Variants in PDE3A observed in about 807,000 individuals in gnomAD.
PDE3A encodes phosphodiesterase 3A.
A neutral mutation model predicts 98.3 loss-of-function variants in PDE3A; 43 were observed. The observed-to-expected ratio is 0.44, with a 90% CI of 0.34 to 0.56. The LOEUF (loss-of-function observed/expected upper bound fraction) is 0.56, where lower values mean the gene tolerates loss of function less well. PDE3A is among the 20% of genes least tolerant of loss of function. PDE3A has a pLI of 0.01. For synonymous variants in PDE3A, 663 were observed against 567.9 expected, an observed-to-expected ratio of 1.17 and a Z score of -2.38; for missense variants, 1,427 against 1,440.7, an observed-to-expected ratio of 0.99 and a Z score of 0.15.
chr12:20,396,742 A>G (rs868687488), intron 1 of PDE3A, among the ~76,000 whole-genome samples: 44 of 152,110 alleles, frequency 2.9e-4, no homozygotes, highest in African/African-American at 1.0e-3. Flanking sequence ...AAGCTGGACC[A>G]TTATCTAATG....
rs1236570199 is a variant in PDE3A at position 20,391,133 on chromosome 12, T to C, written c.960+20889T>C. ...AGCAGATGAGTGCTTTTCATATGAC[T>C]AGTTAAAAACTTACTTTATCAGTAG... On this transcript the variant is annotated intron_variant, in intron 1 of 15. Coordinates refer to ENST00000359062, the MANE Select transcript of PDE3A (RefSeq NM_000921.5). Among the ~76,000 whole-genome samples, 3 of 151,816 alleles carry C rather than the reference T, an allele frequency of 2.0e-5. No homozygotes were observed. In the East Asian group the frequency reaches 5.8e-4, roughly 29 times the overall value.
chr12:20,523,380 A>C (rs1302296171), intron 1 of PDE3A, among the ~76,000 whole-genome samples: 2 of 152,202 alleles, frequency 1.3e-5, no homozygotes. Flanking sequence ...AGCATACACA[A>C]TTCTGCTTAG....
At chr12:20,635,862 T>A (rs1944501072) in intron 8 of PDE3A, among the ~76,000 whole-genome samples, 1 of 152,166 alleles carries the variant, frequency 6.6e-6, no homozygotes, top group South Asian at 2.1e-4. Flanking sequence ...CAATATATTT[T>A]TTCTCTTTCC....
intron 2 of PDE3A, among the ~76,000 whole-genome samples, chr12:20,558,757 C>A (rs889064426): frequency 4.0e-5 from 6 of 151,798 alleles, no homozygotes; most frequent in African/African-American, 1.2e-4. Context: ...TTGATCCCTT[C>A]TTTTATTGCT....
At chr12:20,527,212 G>C (rs1946541228) in intron 1 of PDE3A, among the ~76,000 whole-genome samples, 1 of 151,826 alleles carries the variant, frequency 6.6e-6, no homozygotes, top group African/African-American at 2.4e-5. Context: ...GTGTTTTTTT[G>C]TTTTGTTTTT....
At chr12:20,378,087 A>C (rs1437854061) in intron 1 of PDE3A, among the ~76,000 whole-genome samples, 1 of 151,748 alleles carries the variant, frequency 6.6e-6, no homozygotes, top group Non-Finnish European at 1.5e-5. Flanking sequence ...CTGTTTATAT[A>C]AATACCACTT....
intron 2 of PDE3A, among the ~76,000 whole-genome samples, chr12:20,565,927 T>C (rs934464595): frequency 6.6e-6 from 1 of 151,878 alleles, no homozygotes; most frequent in Admixed American, 6.6e-5. Flanking sequence ...TATATTCTCA[T>C]CAAAGGTGCT....
chr12:20,380,286 T>TA (rs1943640693), intron 1 of PDE3A, among the ~76,000 whole-genome samples: 1 of 151,904 alleles, frequency 6.6e-6, no homozygotes, highest in Non-Finnish European at 1.5e-5. Flanking sequence ...ATTGACTTTT[T>TA]AAAAATGTCA....
chr12:20,625,589 A>G (rs1273913099), intron 5 of PDE3A, among the ~76,000 whole-genome samples: 1 of 152,218 alleles, frequency 6.6e-6, no homozygotes, highest in Non-Finnish European at 1.5e-5. Flanking sequence ...AAAAAAAGAG[A>G]TGTCTTTATC....
intron 1 of PDE3A, among the ~76,000 whole-genome samples, chr12:20,474,539 G>A (rs1296618949): frequency 1.3e-5 from 2 of 152,188 alleles, no homozygotes; most frequent in South Asian, 4.1e-4. Flanking sequence ...TCATAAGCAC[G>A]AAGTCAGTTT....
chr12:20,555,972 T>C lies in PDE3A; in HGVS notation c.961-688T>C, dbSNP rs1942359577. Among the ~76,000 whole-genome samples, 8 of 152,338 alleles carry C rather than the reference T, an allele frequency of 5.3e-5. No homozygotes were observed. The South Asian group carries it at 1.7e-3, about 32-fold the overall frequency. On this transcript the variant is annotated intron_variant, in intron 1 of 15. Coordinates refer to ENST00000359062, the MANE Select transcript of PDE3A (RefSeq NM_000921.5). The stretch of plus-strand genomic sequence containing the variant: ...TTCTTCAGCTGGTACTGATGACTAA[T>C]AAGATTACTGACAGATGAATGGAGT...
intron 2 of PDE3A, among the ~76,000 whole-genome samples, chr12:20,595,791 T>C (rs1044695194): frequency 9.2e-5 from 14 of 152,158 alleles, no homozygotes; most frequent in Non-Finnish European, 1.9e-4. Context: ...CTGCTCTGTG[T>C]CCATTTTTAA....
rs540559085 is a variant in PDE3A, at chr12:20,583,464, A to G, written c.1011+26754A>G. Among the ~76,000 whole-genome samples the G allele has an allele frequency of 3.5e-4, 54 of 152,186 alleles. 2 individuals carry two copies. The South Asian group carries it at 0.011, about 32-fold the overall frequency. ...CATTAGGAATAAGGGTTTTGATAAG[A>G]ATAGCGTTAAACTGGATTTCAGTAA... On this transcript the variant is annotated intron_variant, in intron 2 of 15. Transcript: ENST00000359062.
chr12:20,673,760 A>C (rs1945555655), intron 15 of PDE3A, among the ~76,000 whole-genome samples: 1 of 149,116 alleles, frequency 6.7e-6, no homozygotes, highest in Non-Finnish European at 1.5e-5. Context: ...ATGACGAGTT[A>C]GTGGGTGCAG....
At chr12:20,479,610 T>C (rs779927511) in intron 1 of PDE3A, among the ~76,000 whole-genome samples, 2 of 152,196 alleles carry the variant, frequency 1.3e-5, no homozygotes, top group Non-Finnish European at 2.9e-5. Flanking sequence ...TCATCCTATA[T>C]TTAATCTTGC....
At chr12:20,488,960 C>T (rs773456526) in intron 1 of PDE3A, among the ~76,000 whole-genome samples, 14 of 151,462 alleles carry the variant, frequency 9.2e-5, no homozygotes, top group South Asian at 2.1e-4. Flanking sequence ...AGGTTCAAAG[C>T]GATATTTTAT....
At chr12:20,387,576 A>G (rs1464517699) in intron 1 of PDE3A, among the ~76,000 whole-genome samples, 3 of 152,012 alleles carry the variant, frequency 2.0e-5, no homozygotes, top group East Asian at 1.9e-4. Flanking sequence ...CATATTGCCA[A>G]TACATCCCAG....
intron 1 of PDE3A, among the ~76,000 whole-genome samples, chr12:20,426,226 C>T (rs551298133): frequency 1.3e-5 from 2 of 152,236 alleles, no homozygotes; most frequent in African/African-American, 4.8e-5. Context: ...CATCTGAGTT[C>T]TCTGCTTGTT....
intron 1 of PDE3A, among the ~76,000 whole-genome samples, chr12:20,512,325 T>C (rs953329307): frequency 3.9e-5 from 6 of 152,074 alleles, no homozygotes; most frequent in Admixed American, 6.6e-5. Flanking sequence ...CATCCTAAAA[T>C]AGGAATTTTG....
Sources: allele counts gnomAD v4.1 joint callset (sites outside exome capture counted in the v4.1 genomes callset), GRCh38; gene constraint gnomAD v4.1.1; transcripts MANE v1.5; gene names NCBI Gene and HGNC (gene_info 2026-07-23, HGNC 2026-07-21).